Variants in DMD observed in about 807,000 individuals in gnomAD.
The protein encoded by DMD is mutant dystrophin.
Under a neutral mutation model 330.1 loss-of-function variants are expected in DMD, and 63 were observed. The ratio of observed to expected loss-of-function variants is 0.19; its 90% CI spans 0.16 to 0.24. The LOEUF (loss-of-function observed/expected upper bound fraction) is 0.24. DMD is among the 10% of genes least tolerant of loss of function. The probability of loss-of-function intolerance (pLI) is 1.00; values close to 1 mark genes in which losing one functional copy is unlikely to be tolerated. For synonymous variants in DMD, 1,223 were observed against 959.8 expected (o/e 1.27, Z -5.07); for missense variants, 3,344 against 2,684.1 (o/e 1.25, Z -5.43).
intron 49 of DMD, among the ~76,000 whole-genome samples, chrX:31,822,688 G>GTGTGTGTGTGTGTC (rs1459123715): frequency 1.9e-5 from 2 of 106,290 alleles, no homozygotes; most frequent in East Asian, 5.9e-4. Context: ...GTGTGTGTGT[G>GTGTGTGTGTGTGTC]TGTGTGTGTG....
intron 1 of DMD, among the ~76,000 whole-genome samples, chrX:33,208,852 G>A (rs2051729348): frequency 9.0e-6 from 1 of 110,974 alleles, no homozygotes; most frequent in South Asian, 3.8e-4. Context: ...AAATGACTTT[G>A]TTTTACTCTT....
At chrX:32,764,579 C>T (rs2072734464) in intron 7 of DMD, among the ~76,000 whole-genome samples, 1 of 111,423 alleles carries the variant, frequency 9.0e-6, no homozygotes, top group Admixed American at 9.6e-5. Context: ...TTCCCCTTAG[C>T]ATATCATCAT....
chrX:32,764,007 C>G (rs16990662), intron 7 of DMD, among the ~76,000 whole-genome samples: 1 of 110,597 alleles, frequency 9.0e-6, no homozygotes, highest in Non-Finnish European at 1.9e-5. Context: ...AAACTGATAA[C>G]GAAAATCTTT....
At chrX:33,123,504 C>A (rs1458660110) in intron 1 of DMD, among the ~76,000 whole-genome samples, 1 of 110,653 alleles carries the variant, frequency 9.0e-6, no homozygotes, top group Non-Finnish European at 1.9e-5. Flanking sequence ...GCAACCTCCG[C>A]CTCCCGGGTT....
intron 49 of DMD, among the ~76,000 whole-genome samples, chrX:31,831,692 G>A (rs1193513847): frequency 1.8e-5 from 2 of 110,997 alleles, no homozygotes; most frequent in African/African-American, 6.6e-5. Flanking sequence ...TCTGCCTCCC[G>A]GGTTCATGCC....
chrX:31,835,324 A>G (rs2093172033), intron 49 of DMD, among the ~76,000 whole-genome samples: 1 of 111,951 alleles, frequency 8.9e-6, no homozygotes, highest in Non-Finnish European at 1.9e-5. Context: ...AAACGTATGC[A>G]ATTGTCCATT....
At chrX:31,633,893 C>T in intron 54 of DMD, among the ~76,000 whole-genome samples, 1 of 111,835 alleles carries the variant, frequency 8.9e-6, no homozygotes, top group Non-Finnish European at 1.9e-5. Flanking sequence ...AATGATGTTC[C>T]CAAGGTTGTA....
intron 60 of DMD, among the ~76,000 whole-genome samples, chrX:31,390,252 T>C (rs1207773974): frequency 9.1e-6 from 1 of 109,624 alleles, no homozygotes; most frequent in African/African-American, 3.3e-5. Context: ...TCTCTTCTCC[T>C]ACCTCTGCTT....
chrX:31,509,165 A>G (rs1264742441), intron 55 of DMD, among the ~76,000 whole-genome samples: 1 of 111,649 alleles, frequency 9.0e-6, no homozygotes, highest in Non-Finnish European at 1.9e-5. Context: ...CCTGATTTTG[A>G]AAGTAGTTTA....
intron 7 of DMD, among the ~76,000 whole-genome samples, chrX:32,769,831 C>T (rs1354407400): frequency 1.0e-5 from 1 of 100,407 alleles, no homozygotes; most frequent in Admixed American, 1.1e-4. Flanking sequence ...AAAAAAAAAA[C>T]AGGAGGCTTA....
chrX:32,725,789 T>C (rs1229858273), intron 7 of DMD, among the ~76,000 whole-genome samples: 7 of 111,114 alleles, frequency 6.3e-5, no homozygotes, highest in African/African-American at 2.3e-4. Flanking sequence ...GCAAGGTGAC[T>C]ATACTCAATA....
At chrX:32,844,137 G>A (rs773186176) in intron 4 of DMD, among the ~76,000 whole-genome samples, 2 of 111,647 alleles carry the variant, frequency 1.8e-5, no homozygotes, top group Non-Finnish European at 3.8e-5. Context: ...GGGCACGGTG[G>A]CTCACGCCTG....
At chrX:31,553,117 C>T (rs1370659371) in intron 55 of DMD, among the ~76,000 whole-genome samples, 1 of 111,776 alleles carries the variant, frequency 8.9e-6, no homozygotes, top group Non-Finnish European at 1.9e-5. Flanking sequence ...TTCTCAGGCC[C>T]CATCCCAGAC....
chrX:33,236,225 T>C (rs115204668), intron 1 of DMD, among the ~76,000 whole-genome samples: 3,765 of 107,382 alleles, frequency 0.035, 178 homozygotes, highest in African/African-American at 0.12. Context: ...CGTTATAGTA[T>C]TAAGCAAAAC....
chrX:33,120,336 A>G (rs1467650820), intron 1 of DMD, among the ~76,000 whole-genome samples: 2 of 111,583 alleles, frequency 1.8e-5, no homozygotes, highest in Non-Finnish European at 1.9e-5. Flanking sequence ...TGTGAGGAAC[A>G]TGCCTCAGAA....
chrX:32,503,596 C>A (rs1296448284), intron 18 of DMD, among the ~76,000 whole-genome samples: 1 of 111,429 alleles, frequency 9.0e-6, no homozygotes, highest in Non-Finnish European at 1.9e-5. Context: ...CACTCTGTCG[C>A]CCAGGCTGGA....
At chrX:31,265,509 T>G (rs923261235) in intron 62 of DMD, among the ~76,000 whole-genome samples, 1 of 110,840 alleles carries the variant, frequency 9.0e-6, no homozygotes, top group Non-Finnish European at 1.9e-5. Context: ...CAGCTGTTAG[T>G]TGTCCTCCGT....
intron 44 of DMD, among the ~76,000 whole-genome samples, chrX:32,000,875 A>G (rs1026416031): frequency 9.0e-6 from 1 of 111,658 alleles, no homozygotes; most frequent in Non-Finnish European, 1.9e-5. Context: ...GTTCTATAAG[A>G]TAGGGGTGAT....
intron 2 of DMD, among the ~76,000 whole-genome samples, chrX:33,010,339 CATAT>C (rs34025644): frequency 2.1e-4 from 22 of 104,198 alleles, no homozygotes; most frequent in African/African-American, 6.9e-4. Context: ...TATATATGTA[CATAT>C]ATATGTGTGT....
Sources: gnomAD v4.1 joint callset for allele counts (sites outside exome capture counted in the v4.1 genomes callset) on GRCh38, gnomAD v4.1.1 for gene constraint, MANE v1.5 for transcripts, NCBI Gene and HGNC (gene_info 2026-07-23, HGNC 2026-07-21) for gene names.